MFSD6: variants seen among roughly 807,000 people sequenced by gnomAD.
MFSD6 encodes major facilitator superfamily domain containing 6.
MFSD6 carries 26 observed loss-of-function variants against 56.3 expected under a neutral mutation model. The observed-to-expected ratio is 0.46, with a 90% CI of 0.34 to 0.64. The LOEUF is 0.64. MFSD6 is among the 30% of genes least tolerant of loss of function. MFSD6 has a pLI of 0.01. For missense variants in MFSD6, 750 were observed against 986.2 expected, an observed-to-expected ratio of 0.76 and a Z score of 3.21; for synonymous variants, 331 against 366.9, an observed-to-expected ratio of 0.90 and a Z score of 1.12.
At chr2:190,460,229 T>C (rs1358088891) in intron 3 of MFSD6, among the ~76,000 whole-genome samples, 2 of 152,236 alleles carry the variant, frequency 1.3e-5, no homozygotes, top group Non-Finnish European at 2.9e-5. Flanking sequence ...TTTGTCCACA[T>C]AAATAAAAAT....
intron 4 of MFSD6, among the ~76,000 whole-genome samples, chr2:190,486,565 A>C (rs1174351125): frequency 6.6e-6 from 1 of 152,154 alleles, no homozygotes; most frequent in African/African-American, 2.4e-5. Context: ...CCCATCTCTC[A>C]GGGATCACTG....
At chr2:190,466,568 AGAT>A (rs1163834409) in intron 3 of MFSD6, among the ~76,000 whole-genome samples, 2 of 152,094 alleles carry the variant, frequency 1.3e-5, no homozygotes, top group Admixed American at 6.5e-5. Flanking sequence ...CTTTTCCTTA[AGAT>A]GATGATGATG....
At chr2:190,430,081 G>A (rs1028018401) in intron 2 of MFSD6, among the ~76,000 whole-genome samples, 1 of 145,852 alleles carries the variant, frequency 6.9e-6, no homozygotes, top group Non-Finnish European at 1.5e-5. Flanking sequence ...CCACCTATAA[G>A]TGAGAACATG....
chr2:190,489,935 G>T lies in MFSD6; in HGVS notation c.1891+69G>T. 1.5e-6 allele frequency: 2 copies of T among 1,343,772 alleles called. No homozygotes were observed. The highest frequency in any genetic ancestry group is 2.1e-6 in the Non-Finnish European group (2 of 967,480). The allele number at this position is 1,343,772 out of a possible 1,614,324, so 83.2% of individuals were successfully genotyped here. A position where few individuals can be genotyped will look rare whatever the true frequency, so the allele number is the denominator to read the frequency against. On this transcript the variant is annotated intron_variant, in intron 6 of 7. Coordinates refer to ENST00000392328, the MANE Select transcript of MFSD6 (RefSeq NM_017694.4). The surrounding 1 kb of genome is among the most constrained non-coding windows in gnomAD (Gnocchi z 6.6). ...CATGGGAAGTCAACAAATGCCCCGA[G>T]AAGCCTAGAAGTGGTACAGAGTATA...
intron 2 of MFSD6, among the ~76,000 whole-genome samples, chr2:190,422,003 A>G (rs1685635960): frequency 6.6e-6 from 1 of 152,082 alleles, no homozygotes; most frequent in Non-Finnish European, 1.5e-5. Flanking sequence ...TGACTTCCCA[A>G]TGTAGCTATA....
Position 190,497,489 on chromosome 2 carries a change from A to G in MFSD6, c.1942A>G (p.Ile648Val), listed in dbSNP as rs1689768939. Residue 648 changes from isoleucine (I) to valine (V), a missense_variant, in exon 7 of 8, where the codon ATA becomes GTA. Physicochemically the swap from Ile to Val is conservative, Grantham distance 29. Transcript: ENST00000392328. This position sits in a 1 kb window ranked among gnomAD's most constrained non-coding sequence, Gnocchi z 5.2. ...TCCTGTTCCCTCCAGTCCCGTTCCT[A>G]TAGCAACCATCGACTTGGTACAGCA... ...RIPVPSSPVPIATIDLVQQQT... is the reference protein window; with the variant it reads ...RIPVPSSPVPVATIDLVQQQT... 6.2e-7 allele frequency: 1 copy of G among 1,614,162 alleles called. No individual in the cohort carries two copies. Among genetic ancestry groups the G allele is most frequent in the Non-Finnish European group, 8.5e-7 (1 of 1,180,004 alleles).
rs1685742352 is a variant in MFSD6 at position 190,424,968 on chromosome 2, C to A, written c.-54+9555C>A. On this transcript the variant is annotated intron_variant, in intron 2 of 7. Transcript: ENST00000392328. This position sits in a 1 kb window ranked among gnomAD's most constrained non-coding sequence, Gnocchi z 5.9. ...TAGGAGTTGTGTTAAACCTGTATATCAATTTGAGGAGAATTGAAATTCATA... is the reference window on the plus strand; with the variant it reads ...TAGGAGTTGTGTTAAACCTGTATATAAATTTGAGGAGAATTGAAATTCATA... Among the ~76,000 whole-genome samples the A allele has an allele frequency of 6.6e-6, 1 of 152,134 alleles. No individual in the cohort carries two copies. Among genetic ancestry groups the A allele is most frequent in the Non-Finnish European group, 1.5e-5 (1 of 68,022 alleles).
At position 190,486,750 on chromosome 2, in the gene MFSD6, C is replaced by T. The variant is rs758745456; in HGVS notation, c.1631-1907C>T. On this transcript the variant is annotated intron_variant, in intron 4 of 7. Coordinates refer to ENST00000392328, the MANE Select transcript of MFSD6 (RefSeq NM_017694.4). Reference sequence around the variant, plus strand: ...TCTTTTAGTTTAATTTTCCAAAATACGAGTTAAGAGTCTCTGATGATATTA... The same window carrying T: ...TCTTTTAGTTTAATTTTCCAAAATATGAGTTAAGAGTCTCTGATGATATTA... 5.5e-4 allele frequency among the ~76,000 whole-genome samples: 83 copies of T among 152,140 alleles called. 1 individual carries two copies. Among genetic ancestry groups the T allele is most frequent in the Admixed American group, 2.8e-3 (43 of 15,274 alleles).
chr2:190,486,468 TAG>T (rs1689014541), intron 4 of MFSD6, among the ~76,000 whole-genome samples: 3 of 152,366 alleles, frequency 2.0e-5, no homozygotes, highest in East Asian at 1.9e-4. Flanking sequence ...GACTCTTGGC[TAG>T]AGTCTTCAAC....
intron 1 of MFSD6, among the ~76,000 whole-genome samples, chr2:190,408,889 C>A (rs1575806911): frequency 1.3e-5 from 2 of 152,272 alleles, no homozygotes; most frequent in South Asian, 4.1e-4. Context: ...CGGGTGGGGA[C>A]GGAGGGTGAG....
intron 4 of MFSD6, among the ~76,000 whole-genome samples, chr2:190,470,377 T>C (rs2125147119): frequency 6.6e-6 from 1 of 152,220 alleles, no homozygotes; most frequent in East Asian, 1.9e-4. Context: ...TGAGTTCTCT[T>C]TGCTTCAGTG....
intron 3 of MFSD6, among the ~76,000 whole-genome samples, chr2:190,453,895 C>T (rs1686876685): frequency 6.6e-6 from 1 of 152,188 alleles, no homozygotes; most frequent in Admixed American, 6.5e-5. Flanking sequence ...CAATTATTAT[C>T]ATACATGTCA....
rs1338021177 is a variant in MFSD6, at chr2:190,416,542, A to T, written c.-54+1129A>T. Among the ~76,000 whole-genome samples the T allele has an allele frequency of 6.6e-6, 1 of 152,240 alleles. No individual in the cohort carries two copies. Among genetic ancestry groups the T allele is most frequent in the African/African-American group, 2.4e-5 (1 of 41,460 alleles). ...CACAGGCCCCCATCAGGCTGTAGAC[A>T]TGAAAACAGACATGAACATAAATTC... On this transcript the variant is annotated intron_variant, in intron 2 of 7. Transcript: ENST00000392328. This position sits in a 1 kb window ranked among gnomAD's most constrained non-coding sequence, Gnocchi z 4.1.
At position 190,417,457 on chromosome 2, in the gene MFSD6, C is replaced by G. The variant is rs562084682; in HGVS notation, c.-54+2044C>G. On this transcript the variant is annotated intron_variant, in intron 2 of 7. Coordinates refer to ENST00000392328, the MANE Select transcript of MFSD6 (RefSeq NM_017694.4). This position sits in a 1 kb window ranked among gnomAD's most constrained non-coding sequence, Gnocchi z 5.7. ...GCATAAGGTGTTGTGATTGTGTGTG[C>G]CCCCGTCTTCTTCTCGCCTCTGGGT... Among the ~76,000 whole-genome samples, 1 of 152,242 alleles carries G rather than the reference C, an allele frequency of 6.6e-6. No homozygotes were observed. Among genetic ancestry groups the G allele is most frequent in the Non-Finnish European group, 1.5e-5 (1 of 68,014 alleles).
chr2:190,498,819 G>T lies in MFSD6; in HGVS notation c.2172+1100G>T, dbSNP rs528035989. 1.1e-4 allele frequency among the ~76,000 whole-genome samples: 16 copies of T among 152,208 alleles called. No homozygotes were observed. Among genetic ancestry groups the T allele is most frequent in the African/African-American group, 3.6e-4 (15 of 41,528 alleles). The stretch of plus-strand genomic sequence containing the variant: ...TTCACAGAAGCCACATAAAATTTTT[G>T]ATGTGGCGCTTTTTTTCTGGTATGT... On this transcript the variant is annotated intron_variant, in intron 7 of 7. Coordinates refer to ENST00000392328, the MANE Select transcript of MFSD6 (RefSeq NM_017694.4). This position sits in a 1 kb window ranked among gnomAD's most constrained non-coding sequence, Gnocchi z 5.9.
intron 3 of MFSD6, among the ~76,000 whole-genome samples, chr2:190,440,049 C>T (rs1369156658): frequency 6.6e-6 from 1 of 152,148 alleles, no homozygotes; most frequent in East Asian, 1.9e-4. Context: ...TGTAGGATCA[C>T]AGAAGTAGAT....
rs1347113497 is a variant in MFSD6 at position 190,456,510 on chromosome 2, C to T, written c.1533-13248C>T. ...CAACCCGCTGGTGATATGAGCCCCA[C>T]TCCGGGAACTCCCTGGCTGCTCTAG... On this transcript the variant is annotated intron_variant, in intron 3 of 7. Transcript: ENST00000392328. This position sits in a 1 kb window ranked among gnomAD's most constrained non-coding sequence, Gnocchi z 5.4. Among the ~76,000 whole-genome samples the T allele has an allele frequency of 6.6e-6, 1 of 152,192 alleles. No individual in the cohort carries two copies. The highest frequency in any genetic ancestry group is 6.5e-5 in the Admixed American group (1 of 15,288).
Position 190,489,628 on chromosome 2 carries a change from G to A in MFSD6, c.1793-140G>A, listed in dbSNP as rs1396486993. 2 of 701,396 alleles carry A rather than the reference G, an allele frequency of 2.9e-6. No homozygotes were observed. The highest frequency in any genetic ancestry group is 4.7e-6 in the Non-Finnish European group (2 of 422,162). 43.4% of individuals were successfully genotyped at this position (701,396 alleles called of 1,614,324 possible). On this transcript the variant is annotated intron_variant, in intron 5 of 7. Transcript: ENST00000392328. The surrounding 1 kb of genome is among the most constrained non-coding windows in gnomAD (Gnocchi z 6.6). ...CAGCCCTGTGTTTTTCCATTATGTG[G>A]AGCTAATACCCAACTACTTTTCTCT...
At chr2:190,477,875 T>C (rs1559134753) in intron 4 of MFSD6, among the ~76,000 whole-genome samples, 1 of 152,048 alleles carries the variant, frequency 6.6e-6, no homozygotes, top group Non-Finnish European at 1.5e-5. Context: ...CCTACAAAAA[T>C]CACATAAGCT....
Sources: allele counts gnomAD v4.1 joint callset (sites outside exome capture counted in the v4.1 genomes callset), GRCh38; gene constraint gnomAD v4.1.1; non-coding constraint Gnocchi (gnomAD v3.1); transcripts MANE v1.5; gene names NCBI Gene and HGNC (gene_info 2026-07-23, HGNC 2026-07-21).